The following TTC1 variants were observed in gnomAD, a reference collection of about 807,000 sequenced individuals.
TTC1 encodes tetratricopeptide repeat protein 1.
Under a neutral mutation model 37.6 loss-of-function variants are expected in TTC1, and 31 were observed. The ratio of observed to expected loss-of-function variants is 0.82; its 90% CI spans 0.62 to 1.11. TTC1 has a LOEUF of 1.11. Ranked by LOEUF, TTC1 falls within the 50% of genes most tolerant of loss-of-function variation. TTC1 has a pLI of 0.00. For synonymous variants in TTC1, 127 were observed against 122.4 expected (o/e 1.04, Z -0.25); for missense variants, 351 against 339.0 (o/e 1.04, Z -0.28).
intron 2 of TTC1, chr5:160,023,736 T>C (rs1398127728): frequency 6.2e-7 from 1 of 1,610,730 alleles, no homozygotes; most frequent in Admixed American, 1.7e-5. Flanking sequence ...ATGTGCTTCT[T>C]CTTGTGCTTC....
chr5:160,017,693 A>G (rs1319845394), intron 2 of TTC1, among the ~76,000 whole-genome samples: 1 of 152,142 alleles, frequency 6.6e-6, no homozygotes, highest in Non-Finnish European at 1.5e-5. Flanking sequence ...TTCCTAGGTA[A>G]TTCATATGCA....
At chr5:160,048,166 A>G (rs1360177748) in intron 5 of TTC1, among the ~76,000 whole-genome samples, 18 of 84,892 alleles carry the variant, frequency 2.1e-4, no homozygotes, top group Non-Finnish European at 2.7e-4. Context: ...TTTTTTTGGG[A>G]CAGAGTATTA....
At chr5:160,045,486 A>T (rs1299695621) in intron 5 of TTC1, among the ~76,000 whole-genome samples, 1 of 119,976 alleles carries the variant, frequency 8.3e-6, no homozygotes, top group Non-Finnish European at 1.7e-5. Context: ...ACACACACAC[A>T]CACACACACA....
intron 2 of TTC1, among the ~76,000 whole-genome samples, chr5:160,019,348 C>CT (rs1348330527): frequency 2.0e-5 from 3 of 152,150 alleles, no homozygotes; most frequent in South Asian, 4.1e-4. Flanking sequence ...TCTCTTCCCT[C>CT]TGTCATTTTT....
At chr5:160,033,337 G>C (rs1052034163) in intron 2 of TTC1, among the ~76,000 whole-genome samples, 1 of 152,018 alleles carries the variant, frequency 6.6e-6, no homozygotes, top group Non-Finnish European at 1.5e-5. Context: ...CACATAGTAT[G>C]TACCATAAAA....
At position 160,064,958 on chromosome 5, in the gene TTC1, G is replaced by A. The variant is rs1364925001; in HGVS notation, c.772G>A (p.Val258Ile). The A allele has an allele frequency of 7.4e-6, 12 of 1,613,512 alleles. No individual in the cohort carries two copies. The South Asian group carries it at 1.3e-4, about 18-fold the overall frequency. Residue 258 changes from valine to isoleucine, a missense_variant, in exon 8 of 8, where the codon GTT becomes ATT. Coordinates refer to ENST00000231238, the MANE Select transcript of TTC1 (RefSeq NM_003314.3). ...TAAATTAAAAGATCTTGGGAACTTGGTTCTCCGACCTTTTGGGCTCTCCAC... is the reference window on the plus strand; with the variant it reads ...TAAATTAAAAGATCTTGGGAACTTGATTCTCCGACCTTTTGGGCTCTCCAC... ...LGKLKDLGNLVLRPFGLSTEN... is the reference protein window; with the variant it reads ...LGKLKDLGNLILRPFGLSTEN...
chr5:160,046,495 T>TC (rs1310336630), intron 5 of TTC1, among the ~76,000 whole-genome samples: 11 of 152,306 alleles, frequency 7.2e-5, no homozygotes, highest in South Asian at 4.1e-4. Context: ...TCTTTTTTTT[T>TC]CCCCTCTGTA....
At position 160,065,046 on chromosome 5, in the gene TTC1, A is replaced by G. The variant is rs1357523689; in HGVS notation, c.860A>G (p.Asn287Ser). 6.2e-7 allele frequency: 1 copy of G among 1,611,378 alleles called. No individual in the cohort carries two copies. Among genetic ancestry groups the G allele is most frequent in the Non-Finnish European group, 8.5e-7 (1 of 1,179,544 alleles). ...TGSYSINFVQ[N>S]PNNNR Reference sequence around the variant, plus strand: ...TCGTACTCCATCAATTTCGTTCAAAATCCAAATAATAACAGATAACAAAGA... The same window carrying G: ...TCGTACTCCATCAATTTCGTTCAAAGTCCAAATAATAACAGATAACAAAGA... The change falls in exon 8 of 8, where the codon AAT becomes AGT. Residue 287 changes from asparagine to serine, a missense_variant. Asn to Ser is a conservative substitution (Grantham distance 46). Coordinates refer to ENST00000231238, the MANE Select transcript of TTC1 (RefSeq NM_003314.3).
At chr5:160,032,586 G>A (rs1003183705) in intron 2 of TTC1, among the ~76,000 whole-genome samples, 4 of 150,920 alleles carry the variant, frequency 2.7e-5, no homozygotes, top group Non-Finnish European at 5.9e-5. Context: ...GTGAAGCAAA[G>A]ACAATGGAAT....
At chr5:160,010,109 TGGGCCAGGCGCG>T (rs925797244) in intron 1 of TTC1, among the ~76,000 whole-genome samples, 5 of 152,116 alleles carry the variant, frequency 3.3e-5, no homozygotes, top group African/African-American at 9.7e-5. Flanking sequence ...TAAGAAGTTC[TGGGCCAGGCGCG>T]GTGGCAGGCG....
chr5:160,012,911 C>G (rs1170393504), intron 2 of TTC1, among the ~76,000 whole-genome samples: 1 of 152,154 alleles, frequency 6.6e-6, no homozygotes, highest in Non-Finnish European at 1.5e-5. Context: ...CATTCCTTTC[C>G]CAACCCTGCC....
chr5:160,065,123 T>C lies in TTC1; in HGVS notation c.*58T>C. ...GAATTGTGTGCTGCTTGCTGTTAGCTAGGGGAAAGGCCCTGCCAATGTTTA... is the reference window on the plus strand; with the variant it reads ...GAATTGTGTGCTGCTTGCTGTTAGCCAGGGGAAAGGCCCTGCCAATGTTTA... On this transcript the variant is annotated 3_prime_UTR_variant, in exon 8 of 8. Transcript: ENST00000231238. 1.3e-6 allele frequency: 2 copies of C among 1,585,998 alleles called. No individual in the cohort carries two copies. Among genetic ancestry groups the C allele is most frequent in the South Asian group, 1.1e-5 (1 of 87,048 alleles).
intron 2 of TTC1, among the ~76,000 whole-genome samples, chr5:160,022,360 G>A (rs1353706009): frequency 1.3e-5 from 2 of 152,100 alleles, no homozygotes; most frequent in African/African-American, 4.8e-5. Flanking sequence ...TGCTACCCAG[G>A]ATTTTAAATT....
At chr5:160,036,598 A>G (rs908530070) in intron 3 of TTC1, 93 bp from the exon 4 acceptor site, 8 of 841,754 alleles carry the variant, frequency 9.5e-6, no homozygotes, top group African/African-American at 6.8e-5. Flanking sequence ...CCTTCATCCT[A>G]TGAATGGAAA....
Position 160,065,474 on chromosome 5 carries a change from C to A in TTC1, c.*409C>A. Reference sequence around the variant, plus strand: ...TCCCGCCTGCTGTCCCCTCCCTGATCACACAGCTAACGAGGCTGCCTCCAG... The same window carrying A: ...TCCCGCCTGCTGTCCCCTCCCTGATAACACAGCTAACGAGGCTGCCTCCAG... On this transcript the variant is annotated 3_prime_UTR_variant, in exon 8 of 8. Coordinates refer to ENST00000231238, the MANE Select transcript of TTC1 (RefSeq NM_003314.3). The A allele has an allele frequency of 2.2e-6, 1 of 453,958 alleles. No individual in the cohort carries two copies. The highest frequency in any genetic ancestry group is 4.4e-6 in the Non-Finnish European group (1 of 227,296). The allele number at this position is 453,958 out of a possible 1,614,324, so 28.1% of individuals were successfully genotyped here. A position where few individuals can be genotyped will look rare whatever the true frequency, so the allele number is the denominator to read the frequency against.
At chr5:160,034,948 G>C (rs1448873283) in intron 2 of TTC1, among the ~76,000 whole-genome samples, 192 bp from the exon 3 acceptor site, 2 of 152,172 alleles carry the variant, frequency 1.3e-5, no homozygotes, top group Non-Finnish European at 2.9e-5. Flanking sequence ...CATCAAGAAT[G>C]CAATTGATAA....
chr5:160,032,130 T>C (rs1051281025), intron 2 of TTC1, among the ~76,000 whole-genome samples: 8 of 152,206 alleles, frequency 5.3e-5, no homozygotes, highest in Non-Finnish European at 8.8e-5. Context: ...CAAAGAATGA[T>C]TGGTCTCCTA....
intron 4 of TTC1, among the ~76,000 whole-genome samples, chr5:160,037,451 C>T (rs1270813567): frequency 1.3e-5 from 2 of 152,178 alleles, no homozygotes; most frequent in African/African-American, 4.8e-5. Flanking sequence ...TGCAGTGGCT[C>T]ACACCCGTAA....
chr5:160,040,434 AT>A (rs1561632507), intron 4 of TTC1, among the ~76,000 whole-genome samples: 2 of 152,080 alleles, frequency 1.3e-5, no homozygotes, highest in Non-Finnish European at 2.9e-5. Context: ...CACTAAATTT[AT>A]TTTTTTAATT....
Sources: allele counts gnomAD v4.1 joint callset (sites outside exome capture counted in the v4.1 genomes callset), GRCh38; gene constraint gnomAD v4.1.1; transcripts MANE v1.5; gene names NCBI Gene and HGNC (gene_info 2026-07-23, HGNC 2026-07-21).